The following ZNF804A variants were observed in gnomAD, a reference collection of about 807,000 sequenced individuals.
ZNF804A encodes the protein zinc finger protein 804A.
Under a neutral mutation model 16.5 loss-of-function variants are expected in ZNF804A, and 2 were observed. That is an observed-to-expected ratio of 0.12 (90% confidence interval 0.05 to 0.38). ZNF804A has a LOEUF of 0.38. Among genes scored for constraint, ZNF804A ranks in the 10% least tolerant of loss-of-function variants. The pLI is 0.99. For missense variants in ZNF804A, 1,473 were observed against 1,390.7 expected (o/e 1.06, Z -0.94); for synonymous variants, 534 against 489.6 (o/e 1.09, Z -1.20).
intron 1 of ZNF804A, among the ~76,000 whole-genome samples, chr2:184,619,103 G>T (rs761622218): frequency 6.6e-6 from 1 of 152,074 alleles, no homozygotes; most frequent in Admixed American, 6.6e-5. Flanking sequence ...TGAACAAAAA[G>T]TAATCAGCAA....
rs1401372674 is a variant in ZNF804A, at chr2:184,937,474, G to A, written c.2078G>A (p.Cys693Tyr). Residue 693 changes from cysteine to tyrosine, a missense_variant, in exon 4 of 4, where the codon TGT (cysteine) becomes TAT (tyrosine). Cys to Tyr is a radical substitution (Grantham distance 194, BLOSUM62 -2). Coordinates refer to ENST00000302277, the MANE Select transcript of ZNF804A (RefSeq NM_194250.2). Reference sequence around the variant, plus strand: ...GATACTATCAGTTCTAAAAACCACTGTAAAAAGAACACAATACTTTTAAAT... The same window carrying A: ...GATACTATCAGTTCTAAAAACCACTATAAAAAGAACACAATACTTTTAAAT... ...TYDTISSKNH[C>Y]KKNTILLNGQ... 6.4e-7 allele frequency: 1 copy of A among 1,572,806 alleles called. No individual in the cohort carries two copies. The highest frequency in any genetic ancestry group is 2.4e-5 in the East Asian group (1 of 41,532).
intron 2 of ZNF804A, among the ~76,000 whole-genome samples, chr2:184,920,685 A>G (rs142278229): frequency 1.3e-5 from 2 of 152,300 alleles, no homozygotes; most frequent in East Asian, 3.9e-4. Context: ...ATAACTTTAA[A>G]TAAGCTGTCA....
rs111485862 is a variant in ZNF804A, at chr2:184,715,916, T to A, written c.111+116846T>A. Among the ~76,000 whole-genome samples the A allele has an allele frequency of 7.3e-3, 1,113 of 152,274 alleles. 11 individuals are homozygous for A. The highest frequency in any genetic ancestry group is 0.026 in the African/African-American group (1,068 of 41,554). On this transcript the variant is annotated intron_variant, in intron 1 of 3. Coordinates refer to ENST00000302277, the MANE Select transcript of ZNF804A (RefSeq NM_194250.2). ...TTTTGGCTCATAATAGGCATTCAAC[T>A]AATACATTTTTAATGAATGAATAAG...
intron 1 of ZNF804A, among the ~76,000 whole-genome samples, chr2:184,795,828 T>C (rs1397648325): frequency 6.6e-6 from 1 of 152,072 alleles, no homozygotes; most frequent in Non-Finnish European, 1.5e-5. Flanking sequence ...CTAGAAGAGA[T>C]GGATAAATTT....
chr2:184,936,819 A>G lies in ZNF804A; in HGVS notation c.1423A>G (p.Lys475Glu), dbSNP rs780318310. The part of the protein sequence containing the change: ...KSTKVNNNLD[K>E]NKPDLKDLCS... ...TACTAAAGTAAATAATAATCTAGATAAAAATAAGCCAGACTTAAAAGATCT... is the reference window on the plus strand; with the variant it reads ...TACTAAAGTAAATAATAATCTAGATGAAAATAAGCCAGACTTAAAAGATCT... Residue 475 changes from lysine (K) to glutamate (E), a missense_variant, in exon 4 of 4, where the codon AAA becomes GAA. Coordinates refer to ENST00000302277, the MANE Select transcript of ZNF804A (RefSeq NM_194250.2). 11 of 1,613,100 alleles carry G rather than the reference A, an allele frequency of 6.8e-6. No individual in the cohort carries two copies. Among genetic ancestry groups the G allele is most frequent in the East Asian group, 2.2e-5 (1 of 44,852 alleles).
chr2:184,885,980 G>A lies in ZNF804A; in HGVS notation c.255+19468G>A, dbSNP rs558835334. Reference sequence around the variant, plus strand: ...AAAAACCAATCATGCCTTTCCAACCGTCTCCTGAAGTCACAATTCATTTTA... The same window carrying A: ...AAAAACCAATCATGCCTTTCCAACCATCTCCTGAAGTCACAATTCATTTTA... On this transcript the variant is annotated intron_variant, in intron 2 of 3. Coordinates refer to ENST00000302277, the MANE Select transcript of ZNF804A (RefSeq NM_194250.2). Among the ~76,000 whole-genome samples the A allele has an allele frequency of 6.9e-4, 105 of 152,110 alleles. 2 individuals are homozygous for A. The South Asian group carries it at 0.016, about 24-fold the overall frequency.
intron 1 of ZNF804A, among the ~76,000 whole-genome samples, chr2:184,621,617 G>T (rs995843903): frequency 2.0e-5 from 3 of 151,584 alleles, no homozygotes; most frequent in African/African-American, 4.8e-5. Flanking sequence ...TTAATACAAT[G>T]TCCTTTTTTT....
Position 184,938,192 on chromosome 2 carries a change from C to T in ZNF804A, c.2796C>T (p.Thr932=). ...SAPTKEAIDN[T]LLEHKERSEN... is the part of the protein sequence containing the mutation. The stretch of plus-strand genomic sequence containing the variant: ...CAACAAAAGAAGCAATTGACAATAC[C>T]CTGCTTGAACACAAAGAAAGAAGTG... The change falls in exon 4 of 4, where the codon ACC becomes ACT. Residue 932 remains threonine (T), a synonymous_variant. Coordinates refer to ENST00000302277, the MANE Select transcript of ZNF804A (RefSeq NM_194250.2). 3 of 1,614,046 alleles carry T rather than the reference C, an allele frequency of 1.9e-6. No homozygotes were observed. The highest frequency in any genetic ancestry group is 2.5e-6 in the Non-Finnish European group (3 of 1,180,000).
In ZNF804A at chr2:184,809,205, G is replaced by C. The variant is rs533466872; in HGVS notation, c.112-57164G>C. On this transcript the variant is annotated intron_variant, in intron 1 of 3. Transcript: ENST00000302277. ...TATAGGGTATTAATTTGGTTATAAA[G>C]TATTGTAATAGTTCTTTCTCCCAAA... is the stretch of plus-strand genomic sequence containing the variant. Among the ~76,000 whole-genome samples the C allele has an allele frequency of 7.9e-5, 12 of 151,890 alleles. No homozygotes were observed. The East Asian group carries it at 2.3e-3, about 29-fold the overall frequency.
chr2:184,843,034 C>A (rs1380825233), intron 1 of ZNF804A, among the ~76,000 whole-genome samples: 2 of 152,082 alleles, frequency 1.3e-5, no homozygotes, highest in Non-Finnish European at 2.9e-5. Context: ...TTAGTTCAGT[C>A]AGAATAGCAG....
rs1685655822 is a variant in ZNF804A at position 184,929,157 on chromosome 2, C to G, written c.256-4446C>G. On this transcript the variant is annotated intron_variant, in intron 2 of 3. Coordinates refer to ENST00000302277, the MANE Select transcript of ZNF804A (RefSeq NM_194250.2). ...TTACATTTTAAATAGGCACAGTTAT[C>G]TAAATCTGGAGCTGCTTCCAGCCAT... Among the ~76,000 whole-genome samples, 3 of 152,174 alleles carry G rather than the reference C, an allele frequency of 2.0e-5. No individual in the cohort carries two copies. The South Asian group carries it at 6.2e-4, about 31-fold the overall frequency.
At chr2:184,880,494 TTATAA>T (rs1684794268) in intron 2 of ZNF804A, among the ~76,000 whole-genome samples, 1 of 152,110 alleles carries the variant, frequency 6.6e-6, no homozygotes, top group African/African-American at 2.4e-5. Context: ...TTGGGAGAAG[TTATAA>T]TATAGGCAAA....
In ZNF804A at chr2:184,781,062, G is replaced by A. The variant is rs374524466; in HGVS notation, c.112-85307G>A. On this transcript the variant is annotated intron_variant, in intron 1 of 3. Transcript: ENST00000302277. ...CTCTGCATGAGAATCTTGGAAATGT[G>A]TGATCTCTCATCCTTGGAGATTAGC... Among the ~76,000 whole-genome samples the A allele has an allele frequency of 2.3e-4, 35 of 151,840 alleles. 2 individuals are homozygous for A. Among genetic ancestry groups the A allele is most frequent in the African/African-American group, 8.0e-4 (33 of 41,496 alleles).
intron 2 of ZNF804A, among the ~76,000 whole-genome samples, chr2:184,871,415 C>CAAAAAAAAAAAA (rs71407821): frequency 1.9e-5 from 2 of 105,776 alleles, no homozygotes; most frequent in African/African-American, 3.2e-5. Context: ...ATTACTCCAG[C>CAAAAAAAAAAAA]AAAAAAAAAA....
At chr2:184,843,311 G>C (rs1318366828) in intron 1 of ZNF804A, among the ~76,000 whole-genome samples, 2 of 152,028 alleles carry the variant, frequency 1.3e-5, no homozygotes, top group African/African-American at 4.8e-5. Flanking sequence ...TGCCCAGGCT[G>C]GAGTACAGTG....
At chr2:184,789,483 G>A (rs187796409) in intron 1 of ZNF804A, among the ~76,000 whole-genome samples, 8 of 151,940 alleles carry the variant, frequency 5.3e-5, no homozygotes, top group East Asian at 1.9e-4. Context: ...TGTTGTTGTT[G>A]TTAATTTTTA....
chr2:184,809,910 A>G (rs1346646651), intron 1 of ZNF804A, among the ~76,000 whole-genome samples: 1 of 152,148 alleles, frequency 6.6e-6, no homozygotes, highest in Non-Finnish European at 1.5e-5. Flanking sequence ...AAATATAAAC[A>G]TTTTGATTTA....
intron 2 of ZNF804A, among the ~76,000 whole-genome samples, chr2:184,923,452 T>A (rs1685562811): frequency 6.6e-6 from 1 of 151,646 alleles, no homozygotes; most frequent in Admixed American, 6.6e-5. Flanking sequence ...TTTGGTGGCA[T>A]CTTTAGTTTT....
chr2:184,914,647 C>T (rs942522851), intron 2 of ZNF804A, among the ~76,000 whole-genome samples: 7 of 152,038 alleles, frequency 4.6e-5, no homozygotes, highest in African/African-American at 1.7e-4. Context: ...AAAACACTTG[C>T]TAAACTGTTA....
Sources: allele counts gnomAD v4.1 joint callset (sites outside exome capture counted in the v4.1 genomes callset), GRCh38; gene constraint gnomAD v4.1.1; transcripts MANE v1.5; gene names NCBI Gene and HGNC (gene_info 2026-07-23, HGNC 2026-07-21).